The following PTPA variants were observed in gnomAD, a reference collection of about 807,000 sequenced individuals.
PTPA encodes the protein serine/threonine-protein phosphatase 2A activator.
A neutral mutation model predicts 43.6 loss-of-function variants in PTPA; 13 were observed. That is an observed-to-expected ratio of 0.30 (90% CI 0.19 to 0.47). The LOEUF is 0.47. Among genes scored for constraint, PTPA ranks in the 20% least tolerant of loss-of-function variants. The probability of loss-of-function intolerance (pLI) is 0.99; values close to 1 mark genes in which losing one functional copy is unlikely to be tolerated. For synonymous variants in PTPA, 172 were observed against 158.2 expected, an observed-to-expected ratio of 1.09 and a Z score of -0.66; for missense variants, 329 against 411.9, an observed-to-expected ratio of 0.80 and a Z score of 1.74.
At chr9:129,112,540 C>T (rs12006010) in intron 1 of PTPA, among the ~76,000 whole-genome samples, 5,730 of 152,282 alleles carry the variant, frequency 0.038, 344 homozygotes, top group African/African-American at 0.13. Flanking sequence ...AAAGGCATCC[C>T]CTCCATGCCC....
intron 4 of PTPA, among the ~76,000 whole-genome samples, chr9:129,129,686 G>C (rs1849826995): frequency 6.6e-6 from 1 of 152,018 alleles, no homozygotes; most frequent in Non-Finnish European, 1.5e-5. Flanking sequence ...AGCCAGGATG[G>C]TCTTGATCTC....
chr9:129,128,987 C>T lies in PTPA; in HGVS notation c.219C>T (p.Ala73=). ...ACCCCTCTATTTTGCCTCCACAGGC[C>T]ATTGAGAAACTAGTCGCTCTTCTCA... is the stretch of plus-strand genomic sequence containing the variant. ...KLTFEYRVSE[A]IEKLVALLNT... is the part of the protein sequence containing the mutation. The change falls in exon 4 of 10, where the codon GCC becomes GCT. Residue 73 remains alanine, a splice_region_variant and synonymous_variant. Coordinates refer to ENST00000393370, the MANE Select transcript of PTPA (RefSeq NM_178000.3). The T allele has an allele frequency of 1.2e-6, 2 of 1,613,188 alleles. No homozygotes were observed. The highest frequency in any genetic ancestry group is 2.2e-5 in the East Asian group (1 of 44,876).
At chr9:129,142,645 C>T in intron 9 of PTPA, 93 bp downstream of exon 9, 1 of 1,564,080 alleles carries the variant, frequency 6.4e-7, no homozygotes, top group Non-Finnish European at 8.7e-7. Flanking sequence ...GGGGCTCCTG[C>T]TTCCTCCTAC....
chr9:129,143,123 C>T (rs1017751584), intron 9 of PTPA: 3 of 619,428 alleles, frequency 4.8e-6, no homozygotes, highest in Non-Finnish European at 8.4e-6. Context: ...CTTCCTGGAG[C>T]TCCCCCTGCT....
intron 4 of PTPA, among the ~76,000 whole-genome samples, chr9:129,130,808 C>T (rs7032712): frequency 0.59 from 90,300 of 152,096 alleles, 28,763 homozygotes; most frequent in Non-Finnish European, 0.7. Flanking sequence ...ATTCACCACT[C>T]ATGTCAAGCA....
chr9:129,126,380 A>G (rs1203611939), intron 3 of PTPA, among the ~76,000 whole-genome samples: 3 of 151,402 alleles, frequency 2.0e-5, no homozygotes, highest in African/African-American at 7.3e-5. Context: ...GGGTTTTTCC[A>G]TGTTGGTCAG....
intron 3 of PTPA, among the ~76,000 whole-genome samples, chr9:129,126,822 C>A (rs545251153): frequency 6.6e-6 from 1 of 152,150 alleles, no homozygotes; most frequent in East Asian, 1.9e-4. Context: ...TCAAAAAGCC[C>A]TCTCCTGAAG....
intron 3 of PTPA, chr9:129,128,011 T>G: frequency 3.0e-6 from 4 of 1,347,252 alleles, no homozygotes; most frequent in Non-Finnish European, 4.0e-6. Context: ...CAAAGCAGAG[T>G]GTGTCCTGCG....
chr9:129,125,525 G>A (rs1222528066), intron 3 of PTPA, among the ~76,000 whole-genome samples: 1 of 152,184 alleles, frequency 6.6e-6, no homozygotes, highest in Admixed American at 6.5e-5. Context: ...TTGCAGGCGT[G>A]AGCTGCTGCG....
At position 129,123,118 on chromosome 9, in the gene PTPA, T is replaced by C; in HGVS notation, c.196T>C (p.Phe66Leu). The change falls in exon 3 of 10, where the codon TTC becomes CTC. Residue 66 changes from phenylalanine (F) to leucine (L), a missense_variant. By Grantham distance (22) the Phe-to-Leu change is conservative (BLOSUM62 0). Transcript: ENST00000393370. ...NEGVKGKKLT[F>L]EYRVSEAIEK... Reference sequence around the variant, plus strand: ...AGGTGTGAAGGGGAAGAAGCTGACCTTCGAGTACAGAGTCTCCGAGGTAGG... The same window carrying C: ...AGGTGTGAAGGGGAAGAAGCTGACCCTCGAGTACAGAGTCTCCGAGGTAGG... 1.9e-6 allele frequency: 3 copies of C among 1,611,316 alleles called. No individual in the cohort carries two copies. Among genetic ancestry groups the C allele is most frequent in the Non-Finnish European group, 2.5e-6 (3 of 1,177,962 alleles).
intron 6 of PTPA, among the ~76,000 whole-genome samples, chr9:129,135,473 T>C (rs1479501702): frequency 6.6e-6 from 1 of 152,252 alleles, no homozygotes; most frequent in African/African-American, 2.4e-5. Context: ...CTAAGCACTT[T>C]ATGTATAACT....
At chr9:129,140,377 A>C (rs1252894357) in intron 8 of PTPA, among the ~76,000 whole-genome samples, 1 of 152,154 alleles carries the variant, frequency 6.6e-6, no homozygotes, top group Admixed American at 6.5e-5. Context: ...TGAAGGACTT[A>C]GGGAGACCCT....
rs41276754 is a variant in PTPA at position 129,142,670 on chromosome 9, C to G, written c.894+118C>G. On this transcript the variant is annotated intron_variant, in intron 9 of 9. Coordinates refer to ENST00000393370, the MANE Select transcript of PTPA (RefSeq NM_178000.3). ...CTTCCTCCTACCCCACTGTTTTGCT[C>G]TGAATCTTAGGCCAGCCCCTCTGAC... 771 of 1,551,050 alleles carry G rather than the reference C, an allele frequency of 5.0e-4. 1 individual carries two copies. Among genetic ancestry groups the G allele is most frequent in the Non-Finnish European group, 6.3e-4 (718 of 1,147,964 alleles).
chr9:129,113,562 A>G (rs1176483274), intron 1 of PTPA, among the ~76,000 whole-genome samples: 1 of 151,212 alleles, frequency 6.6e-6, no homozygotes, highest in Non-Finnish European at 1.5e-5. Context: ...TGAGGTCAGG[A>G]GTTCGAGACC....
chr9:129,111,587 C>T lies in PTPA; in HGVS notation c.-14C>T. 1 of 1,288,000 alleles carries T rather than the reference C, an allele frequency of 7.8e-7. No individual in the cohort carries two copies. Among genetic ancestry groups the T allele is most frequent in the Non-Finnish European group, 9.9e-7 (1 of 1,009,568 alleles). 79.8% of individuals were successfully genotyped at this position (1,288,000 alleles called of 1,614,324 possible). A position where few individuals can be genotyped will look rare whatever the true frequency, so the allele number is the denominator to read the frequency against. ...GGACTGCAAGCATCCGGGTCGGCTC[C>T]TGGCCGGAGCAAGATGGCTGAGGGC... On this transcript the variant is annotated 5_prime_UTR_variant, in exon 1 of 10. Transcript: ENST00000393370.
chr9:129,127,913 G>A, intron 3 of PTPA: 2 of 1,184,738 alleles, frequency 1.7e-6, no homozygotes, highest in South Asian at 1.3e-5. Context: ...GTGGCACGAT[G>A]AAATGTTATT....
intron 8 of PTPA, among the ~76,000 whole-genome samples, chr9:129,140,473 C>G (rs2131614338): frequency 6.6e-6 from 1 of 152,320 alleles, no homozygotes; most frequent in Admixed American, 6.5e-5. Context: ...CCCAGGGCCA[C>G]TGGAGCTCCA....
intron 1 of PTPA, among the ~76,000 whole-genome samples, chr9:129,117,247 A>G (rs1848939240): frequency 6.6e-6 from 1 of 151,680 alleles, no homozygotes; most frequent in African/African-American, 2.4e-5. Context: ...GGGTTTGGCC[A>G]TGTGGTCCAG....
chr9:129,128,039 C>T (rs1267271479), intron 3 of PTPA: 6 of 1,343,794 alleles, frequency 4.5e-6, no homozygotes, highest in South Asian at 1.2e-5. Flanking sequence ...CATACCATTA[C>T]CCCGCGCCGG....
Sources: allele counts gnomAD v4.1 joint callset (sites outside exome capture counted in the v4.1 genomes callset), GRCh38; gene constraint gnomAD v4.1.1; transcripts MANE v1.5; gene names NCBI Gene and HGNC (gene_info 2026-07-23, HGNC 2026-07-21).